ADGRL3: variants seen among roughly 807,000 people sequenced by gnomAD.
ADGRL3 encodes the protein calcium-independent alpha-latrotoxin receptor 3.
ADGRL3 carries 62 observed loss-of-function variants against 153.5 expected under a neutral mutation model. That is an observed-to-expected ratio of 0.40 (90% CI 0.33 to 0.50). The LOEUF is 0.50. Ranked by LOEUF, ADGRL3 falls within the 20% of genes least tolerant of loss-of-function variation. The pLI is 0.47. For synonymous variants in ADGRL3, 710 were observed against 672.5 expected (o/e 1.06, Z -0.86); for missense variants, 1,641 against 1,859.4 (o/e 0.88, Z 2.16).
intron 2 of ADGRL3, among the ~76,000 whole-genome samples, chr4:61,481,357 T>A (rs988508148): frequency 2.0e-5 from 3 of 152,178 alleles, no homozygotes; most frequent in African/African-American, 7.2e-5. Context: ...AGGGCTTGGC[T>A]TTCTCAGCCT....
At chr4:61,958,731 A>G (rs963191632) in intron 17 of ADGRL3, among the ~76,000 whole-genome samples, 8 of 152,034 alleles carry the variant, frequency 5.3e-5, no homozygotes, top group African/African-American at 1.9e-4. Flanking sequence ...CCATGATCCA[A>G]TCATTTCCCA....
chr4:61,352,641 T>C (rs776457727), intron 1 of ADGRL3, among the ~76,000 whole-genome samples: 12 of 152,146 alleles, frequency 7.9e-5, no homozygotes, highest in Non-Finnish European at 1.6e-4. Flanking sequence ...CGCCTCGGCC[T>C]CCCAAAGTGC....
At chr4:61,801,595 C>T (rs920587288) in intron 8 of ADGRL3, among the ~76,000 whole-genome samples, 1 of 151,954 alleles carries the variant, frequency 6.6e-6, no homozygotes, top group East Asian at 1.9e-4. Flanking sequence ...TTTTAAATCA[C>T]TTAGCAATGA....
chr4:61,822,091 A>G (rs1429541777), intron 9 of ADGRL3, among the ~76,000 whole-genome samples: 1 of 152,180 alleles, frequency 6.6e-6, no homozygotes, highest in African/African-American at 2.4e-5. Context: ...CAGACATTAC[A>G]GGGGGAGGGA....
intron 5 of ADGRL3, among the ~76,000 whole-genome samples, chr4:61,591,732 G>A (rs2149405033): frequency 6.6e-6 from 1 of 151,852 alleles, no homozygotes; most frequent in Non-Finnish European, 1.5e-5. Context: ...TTTTGTTTTA[G>A]ACTCAGGTTG....
intron 5 of ADGRL3, among the ~76,000 whole-genome samples, chr4:61,618,737 G>A (rs547579838): frequency 1.3e-5 from 2 of 152,162 alleles, no homozygotes; most frequent in South Asian, 4.2e-4. Flanking sequence ...TTGTTTTTGA[G>A]ACAAAGTCTC....
At chr4:61,632,733 A>G (rs1197671021) in intron 5 of ADGRL3, among the ~76,000 whole-genome samples, 4 of 152,176 alleles carry the variant, frequency 2.6e-5, no homozygotes, top group Non-Finnish European at 5.9e-5. Context: ...GTTTCCTTAT[A>G]AAGTATAAAT....
At chr4:61,991,428 T>C (rs1252600688) in intron 19 of ADGRL3, among the ~76,000 whole-genome samples, 1 of 152,074 alleles carries the variant, frequency 6.6e-6, no homozygotes, top group African/African-American at 2.4e-5. Flanking sequence ...ATAATTCTTA[T>C]CTTTATAGTC....
intron 2 of ADGRL3, among the ~76,000 whole-genome samples, chr4:61,438,357 T>G (rs1187833514): frequency 6.6e-6 from 1 of 151,200 alleles, no homozygotes; most frequent in African/African-American, 2.4e-5. Context: ...TTTATTTATT[T>G]ATTTTTTATT....
rs569563485 is a variant in ADGRL3, at chr4:61,232,039, C to G, written c.-240+30274C>G. On this transcript the variant is annotated intron_variant, in intron 1 of 26. Coordinates refer to ENST00000683033, the MANE Select transcript of ADGRL3 (RefSeq NM_001387552.1). ...GGTTTGACCTTGTGCAAGTACTTAA[C>G]CTCCTCAAGCCCCAGTCTCCTAGTC... Among the ~76,000 whole-genome samples, 99 of 151,932 alleles carry G rather than the reference C, an allele frequency of 6.5e-4. 1 individual carries two copies. In the South Asian group the frequency reaches 0.013, roughly 20 times the overall value.
At chr4:61,545,613 A>G (rs529841596) in intron 4 of ADGRL3, among the ~76,000 whole-genome samples, 1 of 152,218 alleles carries the variant, frequency 6.6e-6, no homozygotes, top group African/African-American at 2.4e-5. Context: ...TGCCGAGTTC[A>G]AGTGATTCTC....
chr4:61,415,116 A>G (rs770931428), intron 2 of ADGRL3, among the ~76,000 whole-genome samples: 7 of 152,034 alleles, frequency 4.6e-5, no homozygotes, highest in Admixed American at 2.0e-4. Context: ...TTATAAAAAC[A>G]TAACATTTAG....
chr4:61,547,010 T>A (rs2098716859), intron 4 of ADGRL3, among the ~76,000 whole-genome samples: 1 of 152,182 alleles, frequency 6.6e-6, no homozygotes, highest in South Asian at 2.1e-4. Context: ...ATACAAGAGT[T>A]CATCAAAACT....
At chr4:61,325,485 G>C (rs924862442) in intron 1 of ADGRL3, among the ~76,000 whole-genome samples, 16 of 152,134 alleles carry the variant, frequency 1.1e-4, no homozygotes, top group Non-Finnish European at 2.1e-4. Flanking sequence ...TTTCTCAGTA[G>C]CTCAGTAGAA....
At chr4:61,370,927 A>G (rs1048170513) in intron 1 of ADGRL3, among the ~76,000 whole-genome samples, 1 of 150,038 alleles carries the variant, frequency 6.7e-6, no homozygotes, top group African/African-American at 2.4e-5. Flanking sequence ...TATTGGGTGC[A>G]TATATATTTA....
intron 1 of ADGRL3, among the ~76,000 whole-genome samples, chr4:61,222,788 C>G (rs546403641): frequency 2.6e-5 from 4 of 152,270 alleles, no homozygotes; most frequent in Non-Finnish European, 5.9e-5. Context: ...CCAACAACAT[C>G]ACTTTCCCAT....
intron 4 of ADGRL3, among the ~76,000 whole-genome samples, chr4:61,547,866 C>CA (rs1429594952): frequency 6.6e-6 from 1 of 152,028 alleles, no homozygotes; most frequent in Non-Finnish European, 1.5e-5. Flanking sequence ...TTTACATTTC[C>CA]ACCAAGTGTG....
chr4:62,069,677 C>A (rs1303530221), intron 26 of ADGRL3, among the ~76,000 whole-genome samples: 1 of 151,964 alleles, frequency 6.6e-6, no homozygotes, highest in Non-Finnish European at 1.5e-5. Flanking sequence ...TATTTTGATG[C>A]TAAGACAATT....
intron 1 of ADGRL3, among the ~76,000 whole-genome samples, chr4:61,263,062 A>G (rs1317158782): frequency 6.6e-6 from 1 of 152,084 alleles, no homozygotes; most frequent in African/African-American, 2.4e-5. Flanking sequence ...ATTTCTGAAA[A>G]TTGTTGAATG....
Sources: allele counts gnomAD v4.1 joint callset (sites outside exome capture counted in the v4.1 genomes callset), GRCh38; gene constraint gnomAD v4.1.1; transcripts MANE v1.5; gene names NCBI Gene and HGNC (gene_info 2026-07-23, HGNC 2026-07-21).